The following UBE2E2 variants were observed in gnomAD, a reference collection of about 807,000 sequenced individuals.
UBE2E2 encodes ubiquitin conjugating enzyme E2 E2.
UBE2E2 carries 6 observed loss-of-function variants against 24.7 expected under a neutral mutation model. The observed-to-expected ratio is 0.24, with a 90% confidence interval of 0.13 to 0.48. The LOEUF is 0.48. Among genes scored for constraint, UBE2E2 ranks in the 20% least tolerant of loss-of-function variants. The probability of loss-of-function intolerance (pLI) is 0.99; values close to 1 mark genes in which losing one functional copy is unlikely to be tolerated. For missense variants in UBE2E2, 169 were observed against 245.0 expected (o/e 0.69, Z 2.07); for synonymous variants, 104 against 83.6 (o/e 1.24, Z -1.33).
chr3:23,274,378 A>C (rs987826277), intron 3 of UBE2E2, among the ~76,000 whole-genome samples: 7 of 151,840 alleles, frequency 4.6e-5, no homozygotes, highest in South Asian at 2.1e-4. Context: ...CAGAGTGACG[A>C]GTCCCTCTCT....
In UBE2E2 at chr3:23,562,187, A is replaced by T. The variant is rs543959714; in HGVS notation, c.509-27547A>T. 2.8e-3 allele frequency among the ~76,000 whole-genome samples: 420 copies of T among 152,132 alleles called. 6 individuals are homozygous for T. The highest frequency in any genetic ancestry group is 9.7e-3 in the African/African-American group (403 of 41,490). ...TGCTTCCAGTTTTTGCCCATTCAGT[A>T]TGATATTGGCTGTGGGTTTGTCATA... On this transcript the variant is annotated intron_variant, in intron 5 of 5. Transcript: ENST00000396703.
At chr3:23,204,296 A>G (rs1280680253) in intron 1 of UBE2E2, among the ~76,000 whole-genome samples, 1 of 152,182 alleles carries the variant, frequency 6.6e-6, no homozygotes, top group African/African-American at 2.4e-5. Flanking sequence ...CCTTAAGGAA[A>G]TTAAGGCTGC....
chr3:23,468,391 A>G (rs1276630381), intron 3 of UBE2E2, among the ~76,000 whole-genome samples: 1 of 152,224 alleles, frequency 6.6e-6, no homozygotes, highest in Non-Finnish European at 1.5e-5. Flanking sequence ...ATTATCTACA[A>G]TTGCTTGGCA....
chr3:23,235,610 G>A (rs1049700073), intron 3 of UBE2E2, among the ~76,000 whole-genome samples: 5 of 152,154 alleles, frequency 3.3e-5, no homozygotes, highest in African/African-American at 1.2e-4. Context: ...AGAGAGGATG[G>A]TGTTATAGAT....
intron 3 of UBE2E2, among the ~76,000 whole-genome samples, chr3:23,435,582 T>G (rs1698159932): frequency 6.6e-6 from 1 of 152,200 alleles, no homozygotes; most frequent in Admixed American, 6.5e-5. Flanking sequence ...CACGTGGAGT[T>G]GCACTTGGGA....
chr3:23,255,622 G>T (rs1311340890), intron 3 of UBE2E2, among the ~76,000 whole-genome samples: 1 of 152,182 alleles, frequency 6.6e-6, no homozygotes, highest in African/African-American at 2.4e-5. Context: ...ACTGATCTAG[G>T]TGGGAAGTGA....
rs546029247 is a variant in UBE2E2 at position 23,567,954 on chromosome 3, G to C, written c.509-21780G>C. Among the ~76,000 whole-genome samples, 5 of 152,248 alleles carry C rather than the reference G, an allele frequency of 3.3e-5. No individual in the cohort carries two copies. In the South Asian group the frequency reaches 1.0e-3, roughly 32 times the overall value. On this transcript the variant is annotated intron_variant, in intron 5 of 5. Transcript: ENST00000396703. ...GAGGTAATGGTTGGTCCCACCTTTA[G>C]CAGAAGATTCATATAACACCCTCTC...
At chr3:23,274,197 C>T (rs916420853) in intron 3 of UBE2E2, among the ~76,000 whole-genome samples, 2 of 152,174 alleles carry the variant, frequency 1.3e-5, no homozygotes, top group Non-Finnish European at 2.9e-5. Flanking sequence ...TCTGTAAATA[C>T]CAACAATTAT....
intron 5 of UBE2E2, among the ~76,000 whole-genome samples, chr3:23,548,649 G>A (rs1221239567): frequency 1.3e-5 from 2 of 152,240 alleles, no homozygotes; most frequent in Non-Finnish European, 2.9e-5. Flanking sequence ...TGATTTTTCT[G>A]CTGCTGTTTC....
At chr3:23,216,564 A>G (rs1375662071) in intron 2 of UBE2E2, among the ~76,000 whole-genome samples, 1 of 152,160 alleles carries the variant, frequency 6.6e-6, no homozygotes, top group African/African-American at 2.4e-5. Flanking sequence ...GGGATTGCCA[A>G]GTATAGTCTT....
At chr3:23,243,919 T>A (rs1325228970) in intron 3 of UBE2E2, among the ~76,000 whole-genome samples, 1 of 152,120 alleles carries the variant, frequency 6.6e-6, no homozygotes, top group Non-Finnish European at 1.5e-5. Context: ...TTCTTTTACC[T>A]GTGTATTTAT....
chr3:23,252,528 G>A (rs1261843510), intron 3 of UBE2E2, among the ~76,000 whole-genome samples: 1 of 152,054 alleles, frequency 6.6e-6, no homozygotes, highest in Non-Finnish European at 1.5e-5. Context: ...ACGGAGTCTA[G>A]CTCTGGCGCC....
chr3:23,305,363 G>A (rs563027436), intron 3 of UBE2E2, among the ~76,000 whole-genome samples: 1 of 152,322 alleles, frequency 6.6e-6, no homozygotes, highest in South Asian at 2.1e-4. Context: ...TCAAAGGATG[G>A]TTTTTAATAC....
At chr3:23,212,539 G>C (rs1325489395) in intron 2 of UBE2E2, among the ~76,000 whole-genome samples, 2 of 152,028 alleles carry the variant, frequency 1.3e-5, no homozygotes, top group Non-Finnish European at 2.9e-5. Context: ...TAAATTAACT[G>C]TTTAGAGTGG....
intron 3 of UBE2E2, among the ~76,000 whole-genome samples, chr3:23,386,156 C>G (rs918543610): frequency 2.6e-5 from 4 of 152,152 alleles, no homozygotes; most frequent in African/African-American, 7.2e-5. Context: ...TAACAAAATA[C>G]CATAAACTGG....
chr3:23,581,112 C>A (rs1696467628), intron 5 of UBE2E2, among the ~76,000 whole-genome samples: 1 of 151,362 alleles, frequency 6.6e-6, no homozygotes, highest in Admixed American at 6.6e-5. Flanking sequence ...ACTCTGACAC[C>A]CAGGCTGGAG....
chr3:23,219,288 T>C (rs2125323613), intron 3 of UBE2E2, among the ~76,000 whole-genome samples: 1 of 152,276 alleles, frequency 6.6e-6, no homozygotes, highest in African/African-American at 2.4e-5. Flanking sequence ...TGATAGAAAA[T>C]GTAAAACTGG....
chr3:23,466,187 C>T (rs1256397349), intron 3 of UBE2E2, among the ~76,000 whole-genome samples: 3 of 152,132 alleles, frequency 2.0e-5, no homozygotes, highest in Admixed American at 6.5e-5. Flanking sequence ...AAAGCCATGA[C>T]TTCATGATTT....
At chr3:23,547,962 G>A (rs890364591) in intron 5 of UBE2E2, among the ~76,000 whole-genome samples, 1 of 152,214 alleles carries the variant, frequency 6.6e-6, no homozygotes, top group Non-Finnish European at 1.5e-5. Context: ...GATGTCCTCA[G>A]GGACCTGGTG....
Sources: allele counts gnomAD v4.1 joint callset (sites outside exome capture counted in the v4.1 genomes callset), GRCh38; gene constraint gnomAD v4.1.1; transcripts MANE v1.5; gene names NCBI Gene and HGNC (gene_info 2026-07-23, HGNC 2026-07-21).